Variants in FRMD3 observed in about 807,000 individuals in gnomAD.
The protein encoded by FRMD3 is FERM domain-containing protein 3.
Under a neutral mutation model 70.2 loss-of-function variants are expected in FRMD3, and 33 were observed. The ratio of observed to expected loss-of-function variants is 0.47; its 90% confidence interval spans 0.36 to 0.63. FRMD3 has a LOEUF of 0.63. Among genes scored for constraint, FRMD3 ranks in the 20% least tolerant of loss-of-function variants. FRMD3 has a pLI of 0.00. For synonymous variants in FRMD3, 279 were observed against 255.9 expected (o/e 1.09, Z -0.86); for missense variants, 632 against 711.4 (o/e 0.89, Z 1.27).
chr9:83,330,338 C>CAA (rs61623701), intron 6 of FRMD3, among the ~76,000 whole-genome samples: 18 of 146,086 alleles, frequency 1.2e-4, no homozygotes, highest in Admixed American at 1.0e-3. Context: ...AAAAAAAAAA[C>CAA]AAAAAAAACA....
Position 83,357,244 on chromosome 9 carries a change from TACATATATATATATA to T in FRMD3, c.296-7502_296-7488del, listed in dbSNP as rs1824403393. 1.2e-3 allele frequency among the ~76,000 whole-genome samples: 3 copies of T among 2,588 alleles called. 1 individual carries two copies. The highest frequency in any genetic ancestry group is 4.1e-3 in the African/African-American group (3 of 734). 1.7% of individuals were successfully genotyped at this position (2,588 alleles called of 152,430 possible). Reference sequence around the variant, plus strand: ...ATATATTTTATATATATATAATACATACATATATATATATATATATATATATATATATATATATAT... The same window carrying T: ...ATATATTTTATATATATATAATACATTATATATATATATATATATATATAT... On this transcript the variant is annotated intron_variant, in intron 3 of 13. Coordinates refer to ENST00000304195, the MANE Select transcript of FRMD3 (RefSeq NM_174938.6).
chr9:83,500,464 G>T (rs1053183464), intron 1 of FRMD3, among the ~76,000 whole-genome samples: 1 of 148,722 alleles, frequency 6.7e-6, no homozygotes, highest in South Asian at 2.1e-4. Context: ...CATATTTCAG[G>T]GCTATAAGCC....
intron 3 of FRMD3, among the ~76,000 whole-genome samples, chr9:83,363,776 G>C (rs572025011): frequency 3.5e-4 from 54 of 152,134 alleles, no homozygotes; most frequent in East Asian, 1.4e-3. Flanking sequence ...GGATGGTCTC[G>C]ATCTCCTGAC....
At chr9:83,372,721 G>A (rs1825015657) in intron 3 of FRMD3, among the ~76,000 whole-genome samples, 192 bp downstream of exon 3, 1 of 152,052 alleles carries the variant, frequency 6.6e-6, no homozygotes, top group Non-Finnish European at 1.5e-5. Flanking sequence ...GAGACTATAG[G>A]ATGCTGGTGC....
chr9:83,578,903 C>T, the FRMD3 span, among the ~76,000 whole-genome samples: 116 of 151,962 alleles, frequency 7.6e-4, no homozygotes, highest in Non-Finnish European at 1.4e-3. Flanking sequence ...ATGACATGAT[C>T]ATATATATAG....
At chr9:83,297,459 G>T in intron 12 of FRMD3, 1 of 222,014 alleles carries the variant, frequency 4.5e-6, no homozygotes, top group Non-Finnish European at 9.2e-6. Context: ...ACTTGTGTGA[G>T]ACTCAAGTTT....
intron 1 of FRMD3, among the ~76,000 whole-genome samples, chr9:83,533,312 T>C (rs542175295): frequency 1.3e-5 from 2 of 152,194 alleles, no homozygotes; most frequent in Non-Finnish European, 2.9e-5. Context: ...AAAATGGAGA[T>C]AATGGATAGT....
intron 1 of FRMD3, among the ~76,000 whole-genome samples, chr9:83,398,696 C>A (rs7868589): frequency 0.41 from 61,784 of 151,970 alleles, 12,942 homozygotes; most frequent in Admixed American, 0.47. Flanking sequence ...ATATGTAATT[C>A]TGAATACATA....
At chr9:83,515,016 C>T (rs899372971) in intron 1 of FRMD3, among the ~76,000 whole-genome samples, 5 of 152,118 alleles carry the variant, frequency 3.3e-5, no homozygotes, top group African/African-American at 1.2e-4. Context: ...GAAAAAACAG[C>T]GCAAAAAGGC....
intron 1 of FRMD3, among the ~76,000 whole-genome samples, chr9:83,445,753 G>A (rs1380030230): frequency 6.6e-6 from 1 of 152,218 alleles, no homozygotes; most frequent in Non-Finnish European, 1.5e-5. Context: ...TTTGCACTTT[G>A]AGGAATTGCT....
In FRMD3 at chr9:83,310,944, T is replaced by C. The variant is rs201801432; in HGVS notation, c.774-396A>G. Among the ~76,000 whole-genome samples, 10 of 152,352 alleles carry C rather than the reference T, an allele frequency of 6.6e-5. No homozygotes were observed. In the East Asian group the frequency reaches 1.7e-3, roughly 26 times the overall value. On this transcript the variant is annotated intron_variant, in intron 8 of 13. Transcript: ENST00000304195. ...ACAGTATCTGACTTTCTCCTCCTTCTGCATCCATTTCCAAGAAGCAAATCC... is the reference window on the plus strand; with the variant it reads ...ACAGTATCTGACTTTCTCCTCCTTCCGCATCCATTTCCAAGAAGCAAATCC...
At chr9:83,549,258 TC>T in the FRMD3 span, among the ~76,000 whole-genome samples, 1 of 152,284 alleles carries the variant, frequency 6.6e-6, no homozygotes, top group Non-Finnish European at 1.5e-5. Flanking sequence ...TCCAACTCCA[TC>T]CATATTCTTG....
intron 1 of FRMD3, among the ~76,000 whole-genome samples, chr9:83,431,576 T>G (rs571080030): frequency 7.3e-5 from 11 of 151,346 alleles, no homozygotes; most frequent in East Asian, 5.9e-4. Flanking sequence ...AAGTTTAGCG[T>G]TTTTTTTTAT....
At chr9:83,386,382 C>G (rs944090249) in intron 2 of FRMD3, among the ~76,000 whole-genome samples, 1 of 152,178 alleles carries the variant, frequency 6.6e-6, no homozygotes, top group African/African-American at 2.4e-5. Flanking sequence ...TGAGATAAGA[C>G]AGTTTTGTTT....
upstream of FRMD3, among the ~76,000 whole-genome samples, chr9:83,540,133 G>A (rs1018810612): frequency 6.6e-6 from 1 of 152,180 alleles, no homozygotes; most frequent in Non-Finnish European, 1.5e-5. Context: ...TCTTACAGCT[G>A]TAATCTGTAA....
intron 1 of FRMD3, among the ~76,000 whole-genome samples, chr9:83,400,155 C>CA (rs1324828276): frequency 1.3e-5 from 2 of 151,726 alleles, no homozygotes; most frequent in Non-Finnish European, 2.9e-5. Context: ...AAGAATCTAC[C>CA]AAAAAAACCC....
intron 1 of FRMD3, among the ~76,000 whole-genome samples, chr9:83,516,652 A>T (rs1053246782): frequency 1.3e-5 from 2 of 152,218 alleles, no homozygotes; most frequent in Non-Finnish European, 2.9e-5. Context: ...TCTCCACCCC[A>T]AAACAACAGA....
At chr9:83,438,681 T>A (rs943660526) in intron 1 of FRMD3, among the ~76,000 whole-genome samples, 10 of 152,148 alleles carry the variant, frequency 6.6e-5, no homozygotes, top group African/African-American at 2.4e-4. Flanking sequence ...ATTACAGGCG[T>A]GAGCCACCGC....
At chr9:83,507,736 A>ATG (rs1334522690) in intron 1 of FRMD3, among the ~76,000 whole-genome samples, 9 of 88,700 alleles carry the variant, frequency 1.0e-4, no homozygotes, top group African/African-American at 3.4e-4. Flanking sequence ...ATATATATAT[A>ATG]TATCTTCTGG....
Sources: allele counts gnomAD v4.1 joint callset (sites outside exome capture counted in the v4.1 genomes callset), GRCh38; gene constraint gnomAD v4.1.1; transcripts MANE v1.5; gene names NCBI Gene and HGNC (gene_info 2026-07-23, HGNC 2026-07-21).